Variants in PHACTR1 observed in about 807,000 individuals in gnomAD.
PHACTR1 encodes RPEL repeat containing 1.
PHACTR1 carries 16 observed loss-of-function variants against 69.2 expected under a neutral mutation model. The ratio of observed to expected loss-of-function variants is 0.23; its 90% CI spans 0.16 to 0.35. The LOEUF (loss-of-function observed/expected upper bound fraction) is 0.35. PHACTR1 is among the 10% of genes least tolerant of loss of function. The pLI is 1.00. For missense variants in PHACTR1, 510 were observed against 734.7 expected, an observed-to-expected ratio of 0.69 and a Z score of 3.54; for synonymous variants, 312 against 284.5, an observed-to-expected ratio of 1.10 and a Z score of -0.97.
intron 4 of PHACTR1, among the ~76,000 whole-genome samples, chr6:13,003,796 G>A (rs901539302): frequency 6.6e-6 from 1 of 151,000 alleles, no homozygotes; most frequent in Non-Finnish European, 1.5e-5. Context: ...CCATGTCCAC[G>A]GGTACCCACT....
At chr6:13,217,062 G>A (rs1381586979) in intron 8 of PHACTR1, among the ~76,000 whole-genome samples, 1 of 152,052 alleles carries the variant, frequency 6.6e-6, no homozygotes, top group Non-Finnish European at 1.5e-5. Context: ...AGAAAGTTTT[G>A]CAGATCAAAA....
chr6:12,875,276 C>T (rs1041659889), intron 4 of PHACTR1, among the ~76,000 whole-genome samples: 1 of 152,228 alleles, frequency 6.6e-6, no homozygotes, highest in African/African-American at 2.4e-5. Context: ...CGTGACTCCA[C>T]AGGGTTCTTC....
At chr6:12,764,872 C>T (rs972127961) in intron 4 of PHACTR1, among the ~76,000 whole-genome samples, 13 of 151,958 alleles carry the variant, frequency 8.6e-5, no homozygotes, top group Non-Finnish European at 1.5e-4. Flanking sequence ...AAATGATGGT[C>T]TGAGTGCTCT....
intron 4 of PHACTR1, among the ~76,000 whole-genome samples, chr6:12,992,567 G>A (rs1442232931): frequency 3.9e-5 from 6 of 152,198 alleles, no homozygotes; most frequent in African/African-American, 9.6e-5. Flanking sequence ...AAGTTGTACC[G>A]AACTTTTTAG....
chr6:12,738,784 G>A (rs944632206), intron 3 of PHACTR1, among the ~76,000 whole-genome samples: 3 of 152,138 alleles, frequency 2.0e-5, no homozygotes, highest in African/African-American at 7.2e-5. Flanking sequence ...GAATCCCCTT[G>A]AACCTGGGAG....
At chr6:13,261,070 C>A (rs1775846073) in intron 10 of PHACTR1, among the ~76,000 whole-genome samples, 1 of 152,080 alleles carries the variant, frequency 6.6e-6, no homozygotes, top group African/African-American at 2.4e-5. Flanking sequence ...CAGACATTAC[C>A]AAATGCATCC....
intron 7 of PHACTR1, among the ~76,000 whole-genome samples, chr6:13,185,912 A>G (rs1311528836): frequency 6.6e-6 from 1 of 152,214 alleles, no homozygotes; most frequent in Non-Finnish European, 1.5e-5. Context: ...AAAATAAGTG[A>G]CTTCCAGGGC....
At chr6:12,829,859 G>A (rs1286680219) in intron 4 of PHACTR1, among the ~76,000 whole-genome samples, 2 of 151,314 alleles carry the variant, frequency 1.3e-5, no homozygotes, top group African/African-American at 2.4e-5. Context: ...TGGGGAGGCA[G>A]AGACAGGAGA....
chr6:12,984,302 G>A (rs1374559564), intron 4 of PHACTR1, among the ~76,000 whole-genome samples: 51 of 152,278 alleles, frequency 3.3e-4, no homozygotes, highest in Admixed American at 3.3e-3. Flanking sequence ...ACTAGTCTGG[G>A]GCCATATAGT....
chr6:12,736,084 T>C (rs1764211180), intron 3 of PHACTR1, among the ~76,000 whole-genome samples: 2 of 152,234 alleles, frequency 1.3e-5, no homozygotes, highest in South Asian at 4.1e-4. Context: ...GTTTGTTTTC[T>C]AGCAAAGTAT....
intron 5 of PHACTR1, among the ~76,000 whole-genome samples, chr6:13,132,266 C>G (rs1339654686): frequency 6.6e-6 from 1 of 152,158 alleles, no homozygotes; most frequent in Non-Finnish European, 1.5e-5. Flanking sequence ...CAAACTCTTT[C>G]CCTTCCAGTT....
At chr6:12,759,411 G>A (rs1767770666) in intron 4 of PHACTR1, among the ~76,000 whole-genome samples, 1 of 150,364 alleles carries the variant, frequency 6.7e-6, no homozygotes, top group South Asian at 2.1e-4. Context: ...GGATTTCTCG[G>A]GGCTAATCCT....
At chr6:12,866,747 CTG>C (rs1781501777) in intron 4 of PHACTR1, among the ~76,000 whole-genome samples, 1 of 152,200 alleles carries the variant, frequency 6.6e-6, no homozygotes, top group South Asian at 2.1e-4. Context: ...AGAAGAGACT[CTG>C]TGCTTTGGTG....
At chr6:13,144,922 G>C (rs1823096684) in intron 5 of PHACTR1, among the ~76,000 whole-genome samples, 1 of 152,028 alleles carries the variant, frequency 6.6e-6, no homozygotes, top group Non-Finnish European at 1.5e-5. Flanking sequence ...ACAGGTGCAG[G>C]ATAGGCAAAG....
intron 5 of PHACTR1, among the ~76,000 whole-genome samples, chr6:13,135,883 A>G (rs888019475): frequency 4.6e-5 from 7 of 152,238 alleles, no homozygotes; most frequent in African/African-American, 1.7e-4. Flanking sequence ...AAAAATAAAA[A>G]ATAAATAAAA....
chr6:13,223,264 G>A (rs1768973252), intron 8 of PHACTR1, among the ~76,000 whole-genome samples: 1 of 152,164 alleles, frequency 6.6e-6, no homozygotes, highest in Non-Finnish European at 1.5e-5. Context: ...AGAAAACACT[G>A]GTTCAGATCA....
intron 5 of PHACTR1, among the ~76,000 whole-genome samples, chr6:13,101,826 A>G (rs1815212275): frequency 6.6e-6 from 1 of 152,218 alleles, no homozygotes; most frequent in Non-Finnish European, 1.5e-5. Flanking sequence ...ACTCAGTGGT[A>G]CGTCTCAGTG....
intron 4 of PHACTR1, among the ~76,000 whole-genome samples, chr6:12,930,139 G>C (rs1788710125): frequency 6.6e-6 from 1 of 151,716 alleles, no homozygotes; most frequent in Non-Finnish European, 1.5e-5. Flanking sequence ...GACCTCCTTG[G>C]CTCAAGCGAT....
chr6:12,733,946 C>T (rs754535854), intron 3 of PHACTR1, among the ~76,000 whole-genome samples: 11 of 152,168 alleles, frequency 7.2e-5, no homozygotes, highest in Non-Finnish European at 8.8e-5. Flanking sequence ...AAACGAGGAA[C>T]GCTCAACATT....
Sources: allele counts gnomAD v4.1 joint callset (sites outside exome capture counted in the v4.1 genomes callset), GRCh38; gene constraint gnomAD v4.1.1; transcripts MANE v1.5; gene names NCBI Gene and HGNC (gene_info 2026-07-23, HGNC 2026-07-21).